The following HDAC4 variants were observed in gnomAD, a reference collection of about 807,000 sequenced individuals.
The protein encoded by HDAC4 is histone deacetylase A.
In HDAC4, 16 loss-of-function variants were observed where a neutral mutation model predicts 135.1. The ratio of observed to expected loss-of-function variants is 0.12; its 90% CI spans 0.08 to 0.18. The LOEUF is 0.18. Ranked by LOEUF, HDAC4 falls within the 10% of genes least tolerant of loss-of-function variation. HDAC4 has a pLI of 1.00. For synonymous variants in HDAC4, 685 were observed against 653.4 expected (o/e 1.05, Z -0.74); for missense variants, 1,143 against 1,511.8 (o/e 0.76, Z 4.05).
intron 2 of HDAC4, among the ~76,000 whole-genome samples, chr2:239,247,132 G>A (rs1442253088): frequency 2.0e-5 from 3 of 152,222 alleles, no homozygotes; most frequent in Non-Finnish European, 4.4e-5. Context: ...CTAGCTCTGC[G>A]GTCTGCTCGT....
At position 239,361,143 on chromosome 2, in the gene HDAC4, G is replaced by C. The variant is rs142165023; in HGVS notation, c.-219-8225C>G. On this transcript the variant is annotated intron_variant, in intron 1 of 26. Transcript: ENST00000543185. ...TTGTTTGTTTTCTCATTATCTGTCG[G>C]CCCCTCTGCCTGCCCCTGGCTGGAA... Among the ~76,000 whole-genome samples the C allele has an allele frequency of 2.1e-3, 316 of 152,098 alleles. 1 individual carries two copies. The highest frequency in any genetic ancestry group is 7.4e-3 in the African/African-American group (306 of 41,472).
At chr2:239,097,986 A>G (rs1469018891) in intron 16 of HDAC4, among the ~76,000 whole-genome samples, 1 of 152,258 alleles carries the variant, frequency 6.6e-6, no homozygotes, top group African/African-American at 2.4e-5. Context: ...GCTCAGCTAT[A>G]TGAATTCACA....
chr2:239,242,275 G>T (rs535256689), intron 2 of HDAC4, among the ~76,000 whole-genome samples: 1 of 150,812 alleles, frequency 6.6e-6, no homozygotes, highest in South Asian at 2.1e-4. Context: ...ACAGTGCCTG[G>T]GATTGCACTG....
chr2:239,102,675 C>A (rs1403146069), intron 16 of HDAC4, 101 bp downstream of exon 16: 7 of 1,370,298 alleles, frequency 5.1e-6, no homozygotes, highest in African/African-American at 1.4e-5. Flanking sequence ...ACCTGGCAGG[C>A]GACACCCACA....
intron 3 of HDAC4, among the ~76,000 whole-genome samples, chr2:239,211,624 T>A (rs537826616): frequency 8.2e-4 from 125 of 152,340 alleles, no homozygotes; most frequent in African/African-American, 3.0e-3. Flanking sequence ...CTTGGGACTT[T>A]GTCTGAAGCA....
At chr2:239,381,913 G>GC (rs940838833) in intron 1 of HDAC4, among the ~76,000 whole-genome samples, 35 of 152,184 alleles carry the variant, frequency 2.3e-4, no homozygotes, top group Admixed American at 5.9e-4. Flanking sequence ...TGAAGTCACC[G>GC]CCCCCCAGTT....
At chr2:239,250,564 C>T (rs1004536950) in intron 2 of HDAC4, among the ~76,000 whole-genome samples, 2 of 152,228 alleles carry the variant, frequency 1.3e-5, no homozygotes, top group African/African-American at 4.8e-5. Flanking sequence ...AAATCAAGCA[C>T]TGGTTCACAC....
chr2:239,152,030 C>T (rs1300218472), intron 7 of HDAC4, among the ~76,000 whole-genome samples: 1 of 152,156 alleles, frequency 6.6e-6, no homozygotes, highest in Non-Finnish European at 1.5e-5. Flanking sequence ...TCAGCAGTCA[C>T]ATGAGGGGAA....
chr2:239,230,676 T>C (rs2047502110), intron 3 of HDAC4, among the ~76,000 whole-genome samples: 1 of 152,156 alleles, frequency 6.6e-6, no homozygotes, highest in Non-Finnish European at 1.5e-5. Context: ...ACCCCAGAAA[T>C]GCCAGCTTTA....
intron 2 of HDAC4, among the ~76,000 whole-genome samples, chr2:239,328,889 C>T (rs940292096): frequency 1.6e-4 from 24 of 152,346 alleles, no homozygotes; most frequent in African/African-American, 4.8e-4. Flanking sequence ...GGGTTTATGA[C>T]GATTTACTGA....
chr2:239,338,359 T>G (rs1406858329), intron 2 of HDAC4, among the ~76,000 whole-genome samples: 1 of 152,088 alleles, frequency 6.6e-6, no homozygotes, highest in Non-Finnish European at 1.5e-5. Context: ...CTCCTCCCGC[T>G]TCCCTTCATT....
intron 2 of HDAC4, among the ~76,000 whole-genome samples, chr2:239,316,170 T>C (rs1382783380): frequency 2.6e-5 from 4 of 152,228 alleles, no homozygotes; most frequent in Admixed American, 6.5e-5. Flanking sequence ...CCCGTGGGAA[T>C]AGGCTCGCTC....
chr2:239,053,696 C>G, intron 25 of HDAC4, 95 bp from the exon 26 acceptor site: 1 of 997,144 alleles, frequency 1.0e-6, no homozygotes, highest in Non-Finnish European at 1.5e-6. Context: ...GAGCCTCAAA[C>G]CAGATTGATC....
At chr2:239,277,735 G>A (rs1377288456) in intron 2 of HDAC4, among the ~76,000 whole-genome samples, 2 of 152,150 alleles carry the variant, frequency 1.3e-5, no homozygotes. Context: ...CTTCCAGAAC[G>A]CCCAACAGCG....
intron 1 of HDAC4, among the ~76,000 whole-genome samples, chr2:239,356,243 C>T (rs1476321): frequency 0.3 from 45,605 of 151,934 alleles, 8,404 homozygotes; most frequent in East Asian, 0.79. Flanking sequence ...AACAGTTTGA[C>T]GGAACAGTAA....
chr2:239,296,944 T>G (rs2051931962), intron 2 of HDAC4, among the ~76,000 whole-genome samples: 1 of 148,184 alleles, frequency 6.7e-6, no homozygotes, highest in Non-Finnish European at 1.5e-5. Context: ...GCCAAAGAAG[T>G]GATCAGCTCT....
At chr2:239,277,421 G>A (rs79124069) in intron 2 of HDAC4, among the ~76,000 whole-genome samples, 5,487 of 152,298 alleles carry the variant, frequency 0.036, 123 homozygotes, top group East Asian at 0.078. Context: ...AGGTGGACAG[G>A]CCCTGGGCCA....
At chr2:239,145,493 C>T (rs975094508) in intron 7 of HDAC4, among the ~76,000 whole-genome samples, 4 of 152,244 alleles carry the variant, frequency 2.6e-5, no homozygotes, top group African/African-American at 9.6e-5. Context: ...ACCTCCGGCG[C>T]GAGGCCCGCC....
chr2:239,400,987 T>A lies in HDAC4; in HGVS notation c.-229A>T, dbSNP rs867663084. 19 of 152,670 alleles carry A rather than the reference T, an allele frequency of 1.2e-4. 1 individual carries two copies. The South Asian group carries it at 2.7e-3, about 21-fold the overall frequency. 9.5% of individuals were successfully genotyped at this position (152,670 alleles called of 1,614,324 possible). On this transcript the variant is annotated 5_prime_UTR_variant, in exon 1 of 27. An upstream start codon of the reference 5' UTR is lost. Coordinates refer to ENST00000543185, the MANE Select transcript of HDAC4 (RefSeq NM_001378414.1). This position sits in a 1 kb window ranked among gnomAD's most constrained non-coding sequence, Gnocchi z 4.7. ...CAAAAAATTGACCCACGTTGAACCA[T>A]GATGCTTCTCCCCACTCCAGCGTCG... is the stretch of plus-strand genomic sequence containing the variant.
Sources: allele counts gnomAD v4.1 joint callset (sites outside exome capture counted in the v4.1 genomes callset), GRCh38; gene constraint gnomAD v4.1.1; non-coding constraint Gnocchi (gnomAD v3.1); transcripts MANE v1.5; gene names NCBI Gene and HGNC (gene_info 2026-07-23, HGNC 2026-07-21).